The following DNAJC28 variants were observed in gnomAD, a reference collection of about 807,000 sequenced individuals.
DNAJC28 encodes the protein DnaJ heat shock protein family (Hsp40) member C28, also known as dnaJ homolog subfamily C member 28.
DNAJC28 carries 24 observed loss-of-function variants against 33.3 expected under a neutral mutation model. The observed-to-expected ratio is 0.72, with a 90% confidence interval of 0.52 to 1.01. The LOEUF is 1.01. DNAJC28 is among the 50% of genes least tolerant of loss of function. The probability of loss-of-function intolerance (pLI) is 0.00; values close to 1 mark genes in which losing one functional copy is unlikely to be tolerated. For missense variants in DNAJC28, 442 were observed against 455.2 expected (o/e 0.97, Z 0.26); for synonymous variants, 120 against 147.2 (o/e 0.82, Z 1.34).
Position 33,489,028 on chromosome 21 carries a change from A to G in DNAJC28, c.366T>C (p.Asp122=). 1.2e-6 allele frequency: 2 copies of G among 1,612,270 alleles called. No homozygotes were observed. Among genetic ancestry groups the G allele is most frequent in the Non-Finnish European group, 1.7e-6 (2 of 1,179,604 alleles). Residue 122 remains aspartate (D), a synonymous_variant, in exon 2 of 2, where the codon GAT becomes GAC. Transcript: ENST00000381947. ...ASQSKGEEEE[D]VEKFKYKTPQ... is the part of the protein sequence containing the mutation. ...GTGTTTTATATTTGAATTTTTCTAC[A>G]TCTTCTTCTTCTTCACCTTTACTCT...
Position 33,488,844 on chromosome 21 carries a change from T to C in DNAJC28, c.550A>G (p.Ile184Val). 1 of 1,611,606 alleles carries C rather than the reference T, an allele frequency of 6.2e-7. No homozygotes were observed. The highest frequency in any genetic ancestry group is 1.1e-5 in the South Asian group (1 of 90,334). The change falls in exon 2 of 2, where the codon ATT (isoleucine) becomes GTT (valine). Residue 184 changes from isoleucine to valine, a missense_variant. By Grantham distance (29) the Ile-to-Val change is conservative. Transcript: ENST00000381947. ...LQSQYFPDSV[I>V]VKNIRQSKQQ... is the part of the protein sequence containing the mutation. ...TTGCTCTGTCTTATATTTTTAACAA[T>C]TACACTATCAGGAAAATACTGGCTT...
Position 33,488,156 on chromosome 21 carries a change from T to A in DNAJC28, c.*71A>T, listed in dbSNP as rs1360818639. 1.6e-5 allele frequency: 20 copies of A among 1,224,740 alleles called. No individual in the cohort carries two copies. The highest frequency in any genetic ancestry group is 2.1e-5 in the Non-Finnish European group (19 of 903,658). The allele number at this position is 1,224,740 out of a possible 1,614,324, so 75.9% of individuals were successfully genotyped here. A position where few individuals can be genotyped will look rare whatever the true frequency, so the allele number is the denominator to read the frequency against. ...CAATGGCACAATTCTTAAATTCTTG[T>A]ATTATAGCAATAAATCTCATTTTCC... On this transcript the variant is annotated 3_prime_UTR_variant, in exon 2 of 2. Coordinates refer to ENST00000381947, the MANE Select transcript of DNAJC28 (RefSeq NM_001040192.3).
Position 33,489,358 on chromosome 21 carries a change from T to G in DNAJC28, c.36A>C (p.Leu12Phe). Reference sequence around the variant, plus strand: ...CTGTAGCCTTTATCAGGTGAGATCTTAAGATCTGAGCCATCATCACATACA... The same window carrying G: ...CTGTAGCCTTTATCAGGTGAGATCTGAAGATCTGAGCCATCATCACATACA... ...NTMYVMMAQI[L>F]RSHLIKATVI... is the part of the protein sequence containing the mutation. Residue 12 changes from leucine to phenylalanine, a missense_variant, in exon 2 of 2, where the codon TTA becomes TTC. By Grantham distance (22) the Leu-to-Phe change is conservative. Transcript: ENST00000381947. 1 of 1,541,926 alleles carries G rather than the reference T, an allele frequency of 6.5e-7. No individual in the cohort carries two copies. The highest frequency in any genetic ancestry group is 1.4e-5 in the African/African-American group (1 of 72,384).
intron 1 of DNAJC28, 22 bp downstream of exon 1, chr21:33,491,580 G>A (rs1031858962): frequency 6.6e-6 from 1 of 152,396 alleles, no homozygotes; most frequent in Non-Finnish European, 1.5e-5. Flanking sequence ...GGGGCTCGGG[G>A]GTACGGAAGG....
chr21:33,488,645 T>C lies in DNAJC28; in HGVS notation c.749A>G (p.Asn250Ser), dbSNP rs1194903947. 2.5e-6 allele frequency: 4 copies of C among 1,613,886 alleles called. No homozygotes were observed. Among genetic ancestry groups the C allele is most frequent in the Non-Finnish European group, 3.4e-6 (4 of 1,179,984 alleles). Residue 250 changes from asparagine to serine, a missense_variant, in exon 2 of 2, where the codon AAT becomes AGT. Asn to Ser is a conservative substitution (Grantham distance 46, BLOSUM62 1). Transcript: ENST00000381947. ...THNLNRILID[N>S]GYQPEWILKQ... ...AAGGATCCATTCTGGTTGGTATCCA[T>C]TATCGATCAGTATTCGGTTCAGGTT...
intron 1 of DNAJC28, chr21:33,491,201 T>C (rs924851138): frequency 3.9e-5 from 6 of 152,232 alleles, no homozygotes; most frequent in African/African-American, 1.4e-4. Flanking sequence ...TTTGCTGCTA[T>C]TGCAATAACA....
At chr21:33,489,567 C>CTTT (rs769632462) in intron 1 of DNAJC28, 143 bp from the exon 2 acceptor site, 25 of 359,458 alleles carry the variant, frequency 7.0e-5, no homozygotes, top group Admixed American at 9.5e-5. Context: ...CAACTTTTTC[C>CTTT]TTTTTTTTTT....
In DNAJC28 at chr21:33,489,059, G is replaced by A; in HGVS notation, c.335C>T (p.Ala112Val). 1.2e-6 allele frequency: 2 copies of A among 1,612,634 alleles called. No individual in the cohort carries two copies. Among genetic ancestry groups the A allele is most frequent in the East Asian group, 2.2e-5 (1 of 44,858 alleles). Residue 112 changes from alanine (A) to valine (V), a missense_variant, in exon 2 of 2, where the codon GCC (alanine) becomes GTC (valine). By Grantham distance (64) the Ala-to-Val change is moderately conservative. Transcript: ENST00000381947. ...TTCTTCTTCACCTTTACTCTGACTG[G>A]CATTTGTTTGTTCTATCACATGGGA... ...VLSHVIEQTN[A>V]SQSKGEEEED...
rs2084491687 is a variant in DNAJC28, at chr21:33,488,918, GC to G, written c.475del (p.Ala159GlnfsTer8). On this transcript the variant is annotated frameshift_variant, in exon 2 of 2. Coordinates refer to ENST00000381947, the MANE Select transcript of DNAJC28 (RefSeq NM_001040192.3). LOFTEE classifies it high-confidence loss of function. Reference sequence around the variant, plus strand: ...CATCACTTGTTCAGCAGCACGGTCTGCCCTAAATTGCCTATAATGCTTCTCT... The same window carrying G: ...CATCACTTGTTCAGCAGCACGGTCTGCCTAAATTGCCTATAATGCTTCTCT... ...QREKHYRQFRADRAAEQVMEY... is the reference protein window; with the variant it reads ...QREKHYRQFRXDRAAEQVMEY... 5 of 1,613,206 alleles carry G rather than the reference GC, an allele frequency of 3.1e-6. No individual in the cohort carries two copies. The highest frequency in any genetic ancestry group is 1.7e-4 in the Middle Eastern group (1 of 6,060).
Position 33,488,649 on chromosome 21 carries a change from C to T in DNAJC28, c.745G>A (p.Asp249Asn), listed in dbSNP as rs749152213. The change falls in exon 2 of 2, where the codon GAT becomes AAT. Residue 249 changes from aspartate to asparagine, a missense_variant. By Grantham distance (23) the Asp-to-Asn change is conservative. Transcript: ENST00000381947. ...ATCCATTCTGGTTGGTATCCATTAT[C>T]GATCAGTATTCGGTTCAGGTTGTGA... ...MTHNLNRILI[D>N]NGYQPEWILK... is the part of the protein sequence containing the mutation. The T allele has an allele frequency of 5.6e-6, 9 of 1,613,732 alleles. No homozygotes were observed. The highest frequency in any genetic ancestry group is 3.3e-5 in the Admixed American group (2 of 59,922).
chr21:33,489,076 C>A lies in DNAJC28; in HGVS notation c.318G>T (p.Val106=). The change falls in exon 2 of 2, where the codon GTG becomes GTT. Residue 106 remains valine, a synonymous_variant. Coordinates refer to ENST00000381947, the MANE Select transcript of DNAJC28 (RefSeq NM_001040192.3). ...TCTGACTGGCATTTGTTTGTTCTAT[C>A]ACATGGGAGAGCACCTTTCTATAAG... ...EKAYRKVLSH[V]IEQTNASQSK... is the part of the protein sequence containing the mutation. The A allele has an allele frequency of 6.2e-7, 1 of 1,613,584 alleles. No individual in the cohort carries two copies. The highest frequency in any genetic ancestry group is 8.5e-7 in the Non-Finnish European group (1 of 1,179,900).
Position 33,488,427 on chromosome 21 carries a change from TG to T in DNAJC28, c.966del (p.Arg323GlyfsTer23). The part of the protein sequence containing the change: ...NDFNLIVPIL[T>X]RQKVHFDAQK... Reference sequence around the variant, plus strand: ...TGAGCATCAAAATGGACTTTTTGCCTGGTCAGGATGGGAACAATTAAATTAA... The same window carrying T: ...TGAGCATCAAAATGGACTTTTTGCCTGTCAGGATGGGAACAATTAAATTAA... On this transcript the variant is annotated frameshift_variant, in exon 2 of 2. Coordinates refer to ENST00000381947, the MANE Select transcript of DNAJC28 (RefSeq NM_001040192.3). LOFTEE classifies it high-confidence loss of function. 1 of 1,590,792 alleles carries T rather than the reference TG, an allele frequency of 6.3e-7. No individual in the cohort carries two copies. The highest frequency in any genetic ancestry group is 8.5e-7 in the Non-Finnish European group (1 of 1,172,144).
chr21:33,488,298 T>C lies in DNAJC28; in HGVS notation c.1096A>G (p.Thr366Ala). The change falls in exon 2 of 2, where the codon ACA becomes GCA. Residue 366 changes from threonine (T) to alanine (A), a missense_variant. Thr to Ala is a moderately conservative substitution (Grantham distance 58). Transcript: ENST00000381947. Reference protein sequence around the residue: ...NNLDQGEGEKTPEIKKGFLNW... With the variant: ...NNLDQGEGEKAPEIKKGFLNW... ...AAAAAACCTTTCTTGATTTCAGGTG[T>C]TTTCTCTCCTTCTCCTTGATCAAGG... The C allele has an allele frequency of 6.4e-7, 1 of 1,555,168 alleles. No individual in the cohort carries two copies. The highest frequency in any genetic ancestry group is 8.6e-7 in the Non-Finnish European group (1 of 1,160,422).
At position 33,488,914 on chromosome 21, in the gene DNAJC28, G is replaced by A. The variant is rs751815903; in HGVS notation, c.480C>T (p.Asp160=). ...ATTCCATCACTTGTTCAGCAGCACGGTCTGCCCTAAATTGCCTATAATGCT... is the reference window on the plus strand; with the variant it reads ...ATTCCATCACTTGTTCAGCAGCACGATCTGCCCTAAATTGCCTATAATGCT... ...REKHYRQFRA[D]RAAEQVMEYQ... is the part of the protein sequence containing the mutation. The change falls in exon 2 of 2, where the codon GAC becomes GAT. Residue 160 remains aspartate, a synonymous_variant. Transcript: ENST00000381947. 6.2e-7 allele frequency: 1 copy of A among 1,613,018 alleles called. No homozygotes were observed. The highest frequency in any genetic ancestry group is 1.1e-5 in the South Asian group (1 of 90,852).
At position 33,488,497 on chromosome 21, in the gene DNAJC28, C is replaced by T; in HGVS notation, c.897G>A (p.Gln299=). Reference sequence around the variant, plus strand: ...TTAATTTTCTGATGTTTTCTTGAAACTGCTCACAAACATGGTTCCACTGTT... The same window carrying T: ...TTAATTTTCTGATGTTTTCTTGAAATTGCTCACAAACATGGTTCCACTGTT... The part of the protein sequence containing the change: ...EKKQWNHVCE[Q]FQENIRKLNK... The change falls in exon 2 of 2, where the codon CAG becomes CAA. Residue 299 remains glutamine, a synonymous_variant. Coordinates refer to ENST00000381947, the MANE Select transcript of DNAJC28 (RefSeq NM_001040192.3). 1 of 1,612,246 alleles carries T rather than the reference C, an allele frequency of 6.2e-7. No individual in the cohort carries two copies. Among genetic ancestry groups the T allele is most frequent in the Non-Finnish European group, 8.5e-7 (1 of 1,179,616 alleles).
intron 1 of DNAJC28, among the ~76,000 whole-genome samples, chr21:33,489,737 G>A (rs1021637966): frequency 6.6e-6 from 1 of 150,494 alleles, no homozygotes; most frequent in Non-Finnish European, 1.5e-5. Flanking sequence ...TTATCTGCCC[G>A]CCTCGGCCTC....
intron 1 of DNAJC28, among the ~76,000 whole-genome samples, chr21:33,490,039 A>G (rs2084508027): frequency 6.8e-6 from 1 of 147,970 alleles, no homozygotes; most frequent in South Asian, 2.1e-4. Context: ...ACGATCTGCC[A>G]GTTTCTGCCT....
chr21:33,489,596 C>T (rs1473501683), intron 1 of DNAJC28, among the ~76,000 whole-genome samples, 172 bp from the exon 2 acceptor site: 7 of 143,796 alleles, frequency 4.9e-5, no homozygotes, highest in South Asian at 2.1e-4. Flanking sequence ...GACAGAGTCT[C>T]GCTCTGTCAC....
At position 33,489,099 on chromosome 21, in the gene DNAJC28, A is replaced by G. The variant is rs1336796904; in HGVS notation, c.295T>C (p.Tyr99His). ...ATCACATGGGAGAGCACCTTTCTAT[A>G]AGCTTTTTCAATCCTTATAAATGTT... ...SATFIRIEKA[Y>H]RKVLSHVIEQ... The change falls in exon 2 of 2, where the codon TAT becomes CAT. Residue 99 changes from tyrosine (Y) to histidine (H), a missense_variant. By Grantham distance (83) the Tyr-to-His change is moderately conservative. Coordinates refer to ENST00000381947, the MANE Select transcript of DNAJC28 (RefSeq NM_001040192.3). 10 of 1,613,946 alleles carry G rather than the reference A, an allele frequency of 6.2e-6. No homozygotes were observed. The highest frequency in any genetic ancestry group is 8.5e-6 in the Non-Finnish European group (10 of 1,180,000).
Sources: gnomAD v4.1 joint callset for allele counts (sites outside exome capture counted in the v4.1 genomes callset) on GRCh38, gnomAD v4.1.1 for gene constraint, MANE v1.5 for transcripts, NCBI Gene and HGNC (gene_info 2026-07-23, HGNC 2026-07-21) for gene names.